The following TEX9 variants were observed in gnomAD, a reference collection of about 807,000 sequenced individuals.
The protein encoded by TEX9 is testis-expressed protein 9.
TEX9 carries 74 observed loss-of-function variants against 59.6 expected under a neutral mutation model. The ratio of observed to expected loss-of-function variants is 1.24; its 90% confidence interval spans 1.03 to 1.51. The LOEUF is 1.51. TEX9 is among the 40% of genes most tolerant of loss of function. The probability of loss-of-function intolerance (pLI) is 0.00; values close to 1 mark genes in which losing one functional copy is unlikely to be tolerated. For synonymous variants in TEX9, 186 were observed against 152.2 expected (o/e 1.22, Z -1.64); for missense variants, 522 against 447.8 (o/e 1.17, Z -1.49).
intron 1 of TEX9, among the ~76,000 whole-genome samples, chr15:56,303,317 C>T (rs1373234965): frequency 1.3e-5 from 2 of 152,082 alleles, no homozygotes; most frequent in Admixed American, 6.5e-5. Context: ...CCACAAAACA[C>T]GTCTTTAAAA....
At chr15:56,338,881 G>C (rs529450532) in intron 1 of TEX9, among the ~76,000 whole-genome samples, 2 of 151,962 alleles carry the variant, frequency 1.3e-5, no homozygotes, top group Non-Finnish European at 2.9e-5. Flanking sequence ...TCACACCATT[G>C]GTCTCCAGCC....
At chr15:56,412,251 G>A (rs779082631) in intron 9 of TEX9, 51 bp from the exon 10 acceptor site, 15 of 1,526,000 alleles carry the variant, frequency 9.8e-6, no homozygotes, top group Non-Finnish European at 1.2e-5. Context: ...ATGATAAAGG[G>A]GGAAACTATG....
Position 56,383,962 on chromosome 15 carries a change from A to G in TEX9, c.194A>G (p.Gln65Arg), listed in dbSNP as rs1240834950. Residue 65 changes from glutamine (Q) to arginine (R), a missense_variant, in exon 4 of 13, where the codon CAA becomes CGA. Transcript: ENST00000352903. ...CTTTACTCATTTAAGAGAGATCGGC[A>G]AGAAGTACGATCTAGGCCTGTTTCA... The G allele has an allele frequency of 5.6e-6, 9 of 1,611,006 alleles. No homozygotes were observed. In the African/African-American group the frequency reaches 1.2e-4, roughly 22 times the overall value.
intron 1 of TEX9, among the ~76,000 whole-genome samples, chr15:56,350,310 C>G: frequency 6.6e-6 from 1 of 152,138 alleles, no homozygotes; most frequent in East Asian, 1.9e-4. Context: ...TTACAGTGTT[C>G]AAGGGCACAT....
intron 1 of TEX9, among the ~76,000 whole-genome samples, chr15:56,320,040 TTAAC>T (rs1344697223): frequency 6.6e-6 from 1 of 152,202 alleles, no homozygotes; most frequent in Non-Finnish European, 1.5e-5. Flanking sequence ...ATTCTTGTAA[TTAAC>T]TAGTCTCCCC....
At chr15:56,436,882 A>G (rs2050735379) in intron 12 of TEX9, among the ~76,000 whole-genome samples, 1 of 152,258 alleles carries the variant, frequency 6.6e-6, no homozygotes, top group African/African-American at 2.4e-5. Context: ...GGACACATAC[A>G]CCCTCCCAAG....
chr15:56,444,367 C>A, intron 12 of TEX9: 1 of 1,250,722 alleles, frequency 8.0e-7, no homozygotes, highest in Non-Finnish European at 1.1e-6. Context: ...GTTCTAGGTG[C>A]TTCAGTTCCT....
chr15:56,379,090 AAAG>A (rs1313903605), intron 3 of TEX9, among the ~76,000 whole-genome samples: 12 of 151,064 alleles, frequency 7.9e-5, no homozygotes, highest in Middle Eastern at 3.4e-3. Flanking sequence ...AAAAAGAAAG[AAAG>A]AAAAAAAAAG....
chr15:56,303,242 G>A (rs2045402233), intron 1 of TEX9, among the ~76,000 whole-genome samples: 1 of 152,156 alleles, frequency 6.6e-6, no homozygotes, highest in African/African-American at 2.4e-5. Flanking sequence ...TTCATCCATA[G>A]CTACAGAATA....
intron 1 of TEX9, among the ~76,000 whole-genome samples, chr15:56,272,004 C>T (rs1409526829): frequency 6.6e-6 from 1 of 151,772 alleles, no homozygotes; most frequent in Non-Finnish European, 1.5e-5. Flanking sequence ...ATTAGCTGGG[C>T]ATGGGGGTGG....
At chr15:56,434,520 G>C (rs1469691780) in intron 12 of TEX9, 1 of 1,006,260 alleles carries the variant, frequency 9.9e-7, no homozygotes, top group African/African-American at 1.6e-5. Flanking sequence ...GAAAAAGTAA[G>C]GCTTTTCATG....
intron 10 of TEX9, among the ~76,000 whole-genome samples, chr15:56,415,546 G>A (rs572967372): frequency 3.3e-5 from 5 of 151,812 alleles, no homozygotes; most frequent in South Asian, 2.1e-4. Context: ...GTAGATGTGC[G>A]GCCTTATTTA....
At chr15:56,440,324 G>A (rs2050797086) in intron 12 of TEX9, among the ~76,000 whole-genome samples, 1 of 152,182 alleles carries the variant, frequency 6.6e-6, no homozygotes, top group Non-Finnish European at 1.5e-5. Context: ...ACCAAATGCT[G>A]GTGAGAATGC....
chr15:56,286,200 G>C (rs1295759471), intron 1 of TEX9, among the ~76,000 whole-genome samples: 2 of 151,858 alleles, frequency 1.3e-5, no homozygotes, highest in Non-Finnish European at 2.9e-5. Flanking sequence ...CACAATTCTT[G>C]GTTGTTGCAT....
At chr15:56,445,981 A>G (rs1346439881), downstream of TEX9, 1 of 152,092 alleles carries the variant, frequency 6.6e-6, no homozygotes, top group African/African-American at 2.4e-5. Flanking sequence ...ACCTAAAGGT[A>G]TTCCTGTTAA....
chr15:56,432,142 T>C (rs1328071500), intron 12 of TEX9, among the ~76,000 whole-genome samples: 1 of 152,198 alleles, frequency 6.6e-6, no homozygotes, highest in Non-Finnish European at 1.5e-5. Flanking sequence ...AGTTCTGTAA[T>C]GTTACAGGGG....
chr15:56,273,424 A>G (rs957245662), intron 1 of TEX9, among the ~76,000 whole-genome samples: 1 of 152,070 alleles, frequency 6.6e-6, no homozygotes, highest in African/African-American at 2.4e-5. Context: ...GTACACTCCA[A>G]TTCCTCCCTC....
the TEX9 span, among the ~76,000 whole-genome samples, chr15:56,452,664 G>A: frequency 2.0e-5 from 3 of 151,712 alleles, no homozygotes; most frequent in African/African-American, 7.3e-5. Context: ...GACTACAGGC[G>A]TGTGCCACCA....
intron 1 of TEX9, among the ~76,000 whole-genome samples, chr15:56,339,186 T>C (rs1164554066): frequency 6.6e-6 from 1 of 151,026 alleles, no homozygotes; most frequent in Non-Finnish European, 1.5e-5. Flanking sequence ...AGTTCCAGAC[T>C]AGCCTGGCCA....
Sources: allele counts gnomAD v4.1 joint callset (sites outside exome capture counted in the v4.1 genomes callset), GRCh38; gene constraint gnomAD v4.1.1; transcripts MANE v1.5; gene names NCBI Gene and HGNC (gene_info 2026-07-23, HGNC 2026-07-21).